Variants in IFFO2 observed in about 807,000 individuals in gnomAD.
IFFO2 encodes the protein intermediate filament family orphan 2.
Under a neutral mutation model 53.5 loss-of-function variants are expected in IFFO2, and 19 were observed. The ratio of observed to expected loss-of-function variants is 0.36; its 90% CI spans 0.25 to 0.52. The LOEUF (loss-of-function observed/expected upper bound fraction) is 0.52, where lower values mean the gene tolerates loss of function less well. IFFO2 is among the 20% of genes least tolerant of loss of function. IFFO2 has a pLI of 0.94. For synonymous variants in IFFO2, 303 were observed against 313.6 expected, an observed-to-expected ratio of 0.97 and a Z score of 0.36; for missense variants, 570 against 727.4, an observed-to-expected ratio of 0.78 and a Z score of 2.49.
chr1:18,935,003 T>A (rs1936426468), intron 1 of IFFO2, among the ~76,000 whole-genome samples: 1 of 152,112 alleles, frequency 6.6e-6, no homozygotes, highest in Non-Finnish European at 1.5e-5. Flanking sequence ...TAGAAAAGGC[T>A]TTTGTGCCCC....
At position 18,918,160 on chromosome 1, in the gene IFFO2, C is replaced by G. The variant is rs1346409379; in HGVS notation, c.963+202G>C. Among the ~76,000 whole-genome samples the G allele has an allele frequency of 6.6e-6, 1 of 152,238 alleles. No individual in the cohort carries two copies. The highest frequency in any genetic ancestry group is 1.5e-5 in the Non-Finnish European group (1 of 68,046). ...CGGTCTCCCCAGCCATAGGATGAAG[C>G]AGTCAGACGAGCCTATGAGTCCACG... On this transcript the variant is annotated intron_variant, in intron 4 of 8. Coordinates refer to ENST00000455833, the MANE Select transcript of IFFO2 (RefSeq NM_001136265.2). This position sits in a 1 kb window ranked among gnomAD's most constrained non-coding sequence, Gnocchi z 5.2.
chr1:18,938,015 A>G (rs577068894), intron 1 of IFFO2, among the ~76,000 whole-genome samples: 3 of 152,366 alleles, frequency 2.0e-5, no homozygotes, highest in East Asian at 3.9e-4. Flanking sequence ...GCAAAAAGCC[A>G]AAAAGGAGAT....
At chr1:18,930,495 C>T (rs1489530293) in intron 1 of IFFO2, among the ~76,000 whole-genome samples, 1 of 152,166 alleles carries the variant, frequency 6.6e-6, no homozygotes, top group African/African-American at 2.4e-5. Context: ...ATGCTAATGC[C>T]ACAGAACCCC....
At chr1:18,934,361 CG>C (rs1557645968) in intron 1 of IFFO2, among the ~76,000 whole-genome samples, 1 of 152,132 alleles carries the variant, frequency 6.6e-6, no homozygotes, top group African/African-American at 2.4e-5. Context: ...TGTGAGCCAC[CG>C]CGCCCAGCCT....
intron 6 of IFFO2, 43 bp from the exon 7 acceptor site, chr1:18,911,519 A>G (rs1438119090): frequency 6.8e-6 from 4 of 586,322 alleles, no homozygotes; most frequent in Non-Finnish European, 9.5e-6. Context: ...TTATTTATTT[A>G]TTTATTTATT....
At chr1:18,934,424 G>A (rs1936419381) in intron 1 of IFFO2, among the ~76,000 whole-genome samples, 1 of 151,968 alleles carries the variant, frequency 6.6e-6, no homozygotes, top group Admixed American at 6.6e-5. Context: ...GTTGTAGTGT[G>A]TGTCAGAATT....
intron 1 of IFFO2, among the ~76,000 whole-genome samples, chr1:18,927,566 C>A (rs921089380): frequency 6.6e-6 from 1 of 152,220 alleles, no homozygotes; most frequent in African/African-American, 2.4e-5. Context: ...TTTGGCCCAG[C>A]CAATGCCCCT....
intron 1 of IFFO2, among the ~76,000 whole-genome samples, chr1:18,945,286 T>C (rs1297296658): frequency 6.6e-6 from 1 of 151,204 alleles, no homozygotes; most frequent in Non-Finnish European, 1.5e-5. Context: ...TGCAACAAGC[T>C]TTCCCTAAAT....
chr1:18,951,172 T>C (rs1936655159), intron 1 of IFFO2, among the ~76,000 whole-genome samples: 1 of 152,194 alleles, frequency 6.6e-6, no homozygotes. Flanking sequence ...GAATACTTTT[T>C]GGACAGTCTG....
rs1936616348 is a variant in IFFO2, at chr1:18,948,340, G to GAGA, written c.665+7327_665+7328insTCT. ...CATGCACAGAGTTGTGCTACATTAC[G>GAGA]GAGAGAACGTAGTCTTCATAGGGTT... On this transcript the variant is annotated intron_variant, in intron 1 of 8. Coordinates refer to ENST00000455833, the MANE Select transcript of IFFO2 (RefSeq NM_001136265.2). 3.9e-5 allele frequency among the ~76,000 whole-genome samples: 6 copies of GAGA among 152,176 alleles called. No individual in the cohort carries two copies. In the South Asian group the frequency reaches 1.0e-3, roughly 26 times the overall value.
chr1:18,919,738 C>A lies in IFFO2; in HGVS notation c.762G>T (p.Met254Ile), dbSNP rs1292407643. 1.3e-6 allele frequency: 2 copies of A among 1,551,686 alleles called. No homozygotes were observed. The highest frequency in any genetic ancestry group is 1.7e-6 in the Non-Finnish European group (2 of 1,146,982). ...CCTTGAGCCGCTCGATCTTCTCATT[C>A]ATCTCCTCCTGGATGGCATCAGCCT... ...AQEADAIQEEMNEKIERLKAE... is the reference protein window; with the variant it reads ...AQEADAIQEEINEKIERLKAE... Residue 254 changes from methionine (M) to isoleucine (I), a missense_variant, in exon 3 of 9, where the codon ATG becomes ATT. By Grantham distance (10) the Met-to-Ile change is conservative (BLOSUM62 1). Coordinates refer to ENST00000455833, the MANE Select transcript of IFFO2 (RefSeq NM_001136265.2). This position sits in a 1 kb window ranked among gnomAD's most constrained non-coding sequence, Gnocchi z 4.9.
At position 18,955,935 on chromosome 1, in the gene IFFO2, G is replaced by T; in HGVS notation, c.398C>A (p.Ala133Asp). Reference protein sequence around the residue: ...HGLSSGAAAGANANAVALGGL... With the variant: ...HGLSSGAAAGDNANAVALGGL... ...GCCCAGGGCCACGGCATTGGCGTTG[G>T]CGCCGGCCGCCGCGCCACTGCTGAG... Residue 133 changes from alanine to aspartate, a missense_variant, in exon 1 of 9, where the codon GCC (alanine) becomes GAC (aspartate). Transcript: ENST00000455833. The T allele has an allele frequency of 7.9e-7, 1 of 1,269,622 alleles. No homozygotes were observed. The highest frequency in any genetic ancestry group is 2.8e-5 in the South Asian group (1 of 36,174). 78.6% of individuals were successfully genotyped at this position (1,269,622 alleles called of 1,614,324 possible).
intron 1 of IFFO2, among the ~76,000 whole-genome samples, chr1:18,921,472 C>T (rs963465098): frequency 4.6e-5 from 7 of 152,230 alleles, no homozygotes; most frequent in Admixed American, 4.6e-4. Context: ...CTGCAAGATG[C>T]AGTAGCAAAG....
Position 18,910,438 on chromosome 1 carries a change from C to T in IFFO2, c.1352G>A (p.Arg451Gln), listed in dbSNP as rs186558947. The change falls in exon 8 of 9, where the codon CGA becomes CAA. Residue 451 changes from arginine (R) to glutamine (Q), a missense_variant. Arg to Gln is a conservative substitution (Grantham distance 43, BLOSUM62 1). Coordinates refer to ENST00000455833, the MANE Select transcript of IFFO2 (RefSeq NM_001136265.2). ...CATCTCCATGTACTCGTGCAGGTGT[C>T]GGTTCATGTCACTTTTGGCTGTGGC... ...ELATAKSDMN[R>Q]HLHEYMEMCS... 457 of 1,613,882 alleles carry T rather than the reference C, an allele frequency of 2.8e-4. 2 individuals are homozygous for T. The highest frequency in any genetic ancestry group is 2.5e-5 in the Non-Finnish European group (29 of 1,179,894).
chr1:18,923,457 C>T (rs1936242348), intron 1 of IFFO2, among the ~76,000 whole-genome samples: 1 of 152,206 alleles, frequency 6.6e-6, no homozygotes, highest in Non-Finnish European at 1.5e-5. Flanking sequence ...GCTTTCCAGA[C>T]ACAATAACAG....
intron 1 of IFFO2, among the ~76,000 whole-genome samples, chr1:18,939,997 T>C (rs559878169): frequency 1.3e-5 from 2 of 152,266 alleles, no homozygotes; most frequent in East Asian, 1.9e-4. Context: ...CAGTGTCCAG[T>C]AGGGTAAAGT....
At position 18,918,044 on chromosome 1, in the gene IFFO2, C is replaced by T. The variant is rs953328441; in HGVS notation, c.963+318G>A. On this transcript the variant is annotated intron_variant, in intron 4 of 8. Transcript: ENST00000455833. The surrounding 1 kb of genome is among the most constrained non-coding windows in gnomAD (Gnocchi z 5.2). ...GGGGCAGGAAGCGGGACAATGGGTA[C>T]AGTGTGGGCTGGTGAACCAAGCCCT... Among the ~76,000 whole-genome samples, 1 of 152,222 alleles carries T rather than the reference C, an allele frequency of 6.6e-6. No homozygotes were observed. The highest frequency in any genetic ancestry group is 1.5e-5 in the Non-Finnish European group (1 of 68,038).
At chr1:18,951,435 G>C (rs146905845) in intron 1 of IFFO2, among the ~76,000 whole-genome samples, 241 of 152,312 alleles carry the variant, frequency 1.6e-3, no homozygotes, top group African/African-American at 5.4e-3. Flanking sequence ...GGCGCATACA[G>C]TCAGCCACTC....
chr1:18,912,056 G>A lies in IFFO2; in HGVS notation c.1131C>T (p.Asp377=). ...QLRETFDFDD[D]CDSLTWEENE... ...TCTCTTCCCACGTCAGGCTGTCACA[G>A]TCGTCGTCAAAGTCAAAGGTCTCCC... The change falls in exon 6 of 9, where the codon GAC becomes GAT. Residue 377 remains aspartate (D), a synonymous_variant. Coordinates refer to ENST00000455833, the MANE Select transcript of IFFO2 (RefSeq NM_001136265.2). 6.4e-7 allele frequency: 1 copy of A among 1,551,736 alleles called. No individual in the cohort carries two copies. Among genetic ancestry groups the A allele is most frequent in the Non-Finnish European group, 8.7e-7 (1 of 1,146,952 alleles).
Sources: allele counts gnomAD v4.1 joint callset (sites outside exome capture counted in the v4.1 genomes callset), GRCh38; gene constraint gnomAD v4.1.1; non-coding constraint Gnocchi (gnomAD v3.1); transcripts MANE v1.5; gene names NCBI Gene and HGNC (gene_info 2026-07-23, HGNC 2026-07-21).